The following NRXN1 variants were observed in gnomAD, a reference collection of about 807,000 sequenced individuals.
NRXN1 encodes neurexin 1.
A neutral mutation model predicts 150.9 loss-of-function variants in NRXN1; 39 were observed. The observed-to-expected ratio is 0.26, with a 90% CI of 0.20 to 0.34. The LOEUF (loss-of-function observed/expected upper bound fraction) is 0.34. Ranked by LOEUF, NRXN1 falls within the 10% of genes least tolerant of loss-of-function variation. NRXN1 has a pLI of 1.00. For synonymous variants in NRXN1, 924 were observed against 757.0 expected (o/e 1.22, Z -3.62); for missense variants, 1,815 against 1,949.9 (o/e 0.93, Z 1.30).
chr2:50,291,993 G>T (rs1297786890), intron 17 of NRXN1, among the ~76,000 whole-genome samples: 4 of 151,994 alleles, frequency 2.6e-5, no homozygotes, highest in Non-Finnish European at 4.4e-5. Context: ...CCCACAGCGT[G>T]GCTTCTGGAA....
In NRXN1 at chr2:50,258,316, C is replaced by T. The variant is rs531913449; in HGVS notation, c.3365-21346G>A. ...TTTTCAACTAAGTTTATGTAATATT[C>T]TACATCCATTGTTGTCATTTCAACA... On this transcript the variant is annotated intron_variant, in intron 17 of 22. Transcript: ENST00000401669. Among the ~76,000 whole-genome samples, 13 of 152,186 alleles carry T rather than the reference C, an allele frequency of 8.5e-5. 1 individual carries two copies. In the South Asian group the frequency reaches 2.7e-3, roughly 32 times the overall value.
chr2:50,256,978 G>C (rs1001825126), intron 17 of NRXN1, among the ~76,000 whole-genome samples: 3 of 152,010 alleles, frequency 2.0e-5, no homozygotes, highest in African/African-American at 4.8e-5. Context: ...ACTGTGTTGA[G>C]AGATGAGTAT....
chr2:50,195,731 T>C (rs548836419), intron 18 of NRXN1, among the ~76,000 whole-genome samples: 25 of 152,220 alleles, frequency 1.6e-4, no homozygotes, highest in African/African-American at 6.0e-4. Flanking sequence ...CAACTGTTTT[T>C]TGAGGAAACA....
At chr2:50,376,703 A>G (rs1476173552) in intron 17 of NRXN1, among the ~76,000 whole-genome samples, 1 of 152,168 alleles carries the variant, frequency 6.6e-6, no homozygotes, top group Non-Finnish European at 1.5e-5. Context: ...TCTGTGGCGG[A>G]TGACTGATCA....
rs919139104 is a variant in NRXN1 at position 50,626,308 on chromosome 2, GA to G, written c.833-2694del. Among the ~76,000 whole-genome samples, 374 of 150,074 alleles carry G rather than the reference GA, an allele frequency of 2.5e-3. 1 individual carries two copies. The highest frequency in any genetic ancestry group is 8.7e-3 in the African/African-American group (355 of 41,020). On this transcript the variant is annotated intron_variant, in intron 5 of 22. Transcript: ENST00000401669. ...AAAGCTGATTCTTCACAATCTATGA[GA>G]AAAAAAAAGAGTCCCAAATAGCCAT...
intron 21 of NRXN1, among the ~76,000 whole-genome samples, chr2:50,043,179 TATAAG>T (rs1691278664): frequency 6.6e-6 from 1 of 152,182 alleles, no homozygotes; most frequent in Non-Finnish European, 1.5e-5. Flanking sequence ...TGCAAAGTTA[TATAAG>T]ATAATTGACA....
At chr2:50,086,348 C>T (rs981144627) in intron 19 of NRXN1, among the ~76,000 whole-genome samples, 1 of 151,994 alleles carries the variant, frequency 6.6e-6, no homozygotes, top group African/African-American at 2.4e-5. Context: ...CTTCCTGAGC[C>T]CTGAAATATT....
At chr2:49,924,635 C>T (rs1668775098) in intron 22 of NRXN1, among the ~76,000 whole-genome samples, 1 of 152,138 alleles carries the variant, frequency 6.6e-6, no homozygotes, top group Non-Finnish European at 1.5e-5. Flanking sequence ...TTAAGGAAAA[C>T]ACTTTCTTTT....
intron 21 of NRXN1, among the ~76,000 whole-genome samples, chr2:50,015,371 T>C (rs1437501755): frequency 1.3e-5 from 2 of 151,896 alleles, no homozygotes; most frequent in Non-Finnish European, 2.9e-5. Context: ...GCAAATCATA[T>C]AGTGAGACCT....
At chr2:50,524,445 C>G (rs777525278) in intron 12 of NRXN1, among the ~76,000 whole-genome samples, 5 of 151,300 alleles carry the variant, frequency 3.3e-5, no homozygotes, top group Admixed American at 6.6e-5. Flanking sequence ...CACCACTGCA[C>G]TCCAGCCTGG....
At chr2:50,280,237 C>T (rs932065416) in intron 17 of NRXN1, among the ~76,000 whole-genome samples, 1 of 146,558 alleles carries the variant, frequency 6.8e-6, no homozygotes, top group Admixed American at 6.9e-5. Flanking sequence ...GAGATCACAC[C>T]ACTGCACTCC....
intron 8 of NRXN1, among the ~76,000 whole-genome samples, chr2:50,607,349 T>C (rs1677300028): frequency 6.6e-6 from 1 of 152,162 alleles, no homozygotes; most frequent in Admixed American, 6.6e-5. Flanking sequence ...GCAGGTGTGC[T>C]TCAGTTTAGA....
At chr2:50,777,967 C>A (rs1185921341) in intron 5 of NRXN1, among the ~76,000 whole-genome samples, 1 of 152,150 alleles carries the variant, frequency 6.6e-6, no homozygotes, top group South Asian at 2.1e-4. Context: ...ATTTCCATTT[C>A]TCCTGATAAT....
At chr2:50,490,067 G>C (rs1211175153) in intron 15 of NRXN1, among the ~76,000 whole-genome samples, 1 of 152,178 alleles carries the variant, frequency 6.6e-6, no homozygotes, top group Non-Finnish European at 1.5e-5. Context: ...TGTCTTTCAA[G>C]TAACTGCTCT....
chr2:50,688,584 C>A (rs886921395), intron 5 of NRXN1, among the ~76,000 whole-genome samples: 24 of 152,116 alleles, frequency 1.6e-4, no homozygotes, highest in African/African-American at 5.8e-4. Flanking sequence ...CAGGTTTTTG[C>A]TGCAATCAGT....
chr2:50,532,468 C>A (rs964680364), intron 10 of NRXN1, among the ~76,000 whole-genome samples: 1 of 152,072 alleles, frequency 6.6e-6, no homozygotes, highest in Non-Finnish European at 1.5e-5. Context: ...GATAATACTT[C>A]TTTTGAGCCA....
At chr2:50,174,880 A>G (rs1269628110) in intron 18 of NRXN1, 2 of 152,236 alleles carry the variant, frequency 1.3e-5, no homozygotes, top group African/African-American at 4.8e-5. Context: ...TTAAAAAATC[A>G]TAATAATAAC....
intron 15 of NRXN1, among the ~76,000 whole-genome samples, chr2:50,474,036 T>C (rs2089756656): frequency 1.3e-5 from 2 of 149,242 alleles, no homozygotes; most frequent in African/African-American, 5.2e-5. Context: ...TGGATGTATT[T>C]ACTTCCCCCC....
chr2:50,700,474 A>G (rs1473914870), intron 5 of NRXN1, among the ~76,000 whole-genome samples: 1 of 152,214 alleles, frequency 6.6e-6, no homozygotes, highest in African/African-American at 2.4e-5. Context: ...AAATAAGATA[A>G]AAGATCACAT....
Sources: allele counts gnomAD v4.1 joint callset (sites outside exome capture counted in the v4.1 genomes callset), GRCh38; gene constraint gnomAD v4.1.1; transcripts MANE v1.5; gene names NCBI Gene and HGNC (gene_info 2026-07-23, HGNC 2026-07-21).